VEGFC: variants seen among roughly 807,000 people sequenced by gnomAD.
VEGFC encodes the protein FLT4 ligand DHM.
Under a neutral mutation model 46.1 loss-of-function variants are expected in VEGFC, and 12 were observed. That is an observed-to-expected ratio of 0.26 (90% confidence interval 0.17 to 0.42). The LOEUF is 0.42. VEGFC is among the 10% of genes least tolerant of loss of function. The pLI, the probability that VEGFC is intolerant of heterozygous loss-of-function variation, is 1.00. For missense variants in VEGFC, 488 were observed against 529.4 expected, an observed-to-expected ratio of 0.92 and a Z score of 0.77; for synonymous variants, 232 against 195.5, an observed-to-expected ratio of 1.19 and a Z score of -1.56.
At chr4:176,737,373 C>T (rs1735074864) in intron 1 of VEGFC, among the ~76,000 whole-genome samples, 1 of 143,992 alleles carries the variant, frequency 6.9e-6, no homozygotes, top group Non-Finnish European at 1.5e-5. Context: ...AGCATATTTT[C>T]CAACAAACGT....
intron 4 of VEGFC, among the ~76,000 whole-genome samples, chr4:176,706,857 A>G (rs1734544907): frequency 6.6e-6 from 1 of 152,134 alleles, no homozygotes; most frequent in Admixed American, 6.6e-5. Flanking sequence ...TGTTTCTAAC[A>G]CCTCACAATG....
At chr4:176,750,760 A>G (rs930836249) in intron 1 of VEGFC, among the ~76,000 whole-genome samples, 5 of 151,826 alleles carry the variant, frequency 3.3e-5, no homozygotes, top group African/African-American at 1.2e-4. Flanking sequence ...TGGGTTCCAA[A>G]AGATCACAAA....
chr4:176,702,037 T>G (rs1734442901), intron 4 of VEGFC, among the ~76,000 whole-genome samples: 1 of 152,102 alleles, frequency 6.6e-6, no homozygotes, highest in African/African-American at 2.4e-5. Flanking sequence ...TTATGGATAT[T>G]TAAGCATCTA....
chr4:176,777,886 T>C lies in VEGFC; in HGVS notation c.147+14279A>G, dbSNP rs544497932. Among the ~76,000 whole-genome samples the C allele has an allele frequency of 1.7e-4, 19 of 112,086 alleles. 1 individual carries two copies. The Admixed American group carries it at 2.5e-3, about 15-fold the overall frequency. 73.5% of individuals were successfully genotyped at this position (112,086 alleles called of 152,430 possible). On this transcript the variant is annotated intron_variant, in intron 1 of 6. Coordinates refer to ENST00000618562, the MANE Select transcript of VEGFC (RefSeq NM_005429.5). ...GTGAGCCAAGATTGTGCCACTGCAC[T>C]CCAGCCTGGGCGACAGAGCAAGACT... is the stretch of plus-strand genomic sequence containing the variant.
intron 4 of VEGFC, among the ~76,000 whole-genome samples, chr4:176,699,754 T>C (rs1051221167): frequency 2.6e-5 from 4 of 152,236 alleles, no homozygotes; most frequent in Non-Finnish European, 5.9e-5. Context: ...AAGTGGCCTT[T>C]ATATTCAACG....
At chr4:176,712,222 C>T (rs1418027944) in intron 3 of VEGFC, among the ~76,000 whole-genome samples, 1 of 151,234 alleles carries the variant, frequency 6.6e-6, no homozygotes, top group East Asian at 1.9e-4. Flanking sequence ...ATGTTTAAAA[C>T]AAAAAAAACT....
At chr4:176,767,279 G>A (rs1219706773) in intron 1 of VEGFC, among the ~76,000 whole-genome samples, 1 of 152,058 alleles carries the variant, frequency 6.6e-6, no homozygotes, top group Non-Finnish European at 1.5e-5. Flanking sequence ...ACCACAATGG[G>A]ATGCTATTAC....
intron 1 of VEGFC, among the ~76,000 whole-genome samples, chr4:176,746,238 T>C (rs918550766): frequency 1.3e-5 from 2 of 152,194 alleles, no homozygotes; most frequent in South Asian, 4.1e-4. Context: ...TGCTTATATA[T>C]ATGATTGGTC....
intron 3 of VEGFC, among the ~76,000 whole-genome samples, chr4:176,725,826 T>C (rs1213277126): frequency 1.3e-5 from 2 of 152,216 alleles, no homozygotes; most frequent in Middle Eastern, 3.5e-3. Flanking sequence ...GAGGTTTGGC[T>C]TGAAGATAAA....
intron 1 of VEGFC, among the ~76,000 whole-genome samples, chr4:176,772,981 T>A (rs10024513): frequency 3.3e-4 from 50 of 152,210 alleles, no homozygotes; most frequent in African/African-American, 1.2e-3. Context: ...TCCTTCTTTG[T>A]GAAAAGAATT....
At chr4:176,752,317 A>G (rs1355000136) in intron 1 of VEGFC, among the ~76,000 whole-genome samples, 2 of 152,088 alleles carry the variant, frequency 1.3e-5, no homozygotes, top group African/African-American at 4.8e-5. Context: ...AAAGGCCTCA[A>G]GAGTCACTCT....
intron 3 of VEGFC, among the ~76,000 whole-genome samples, chr4:176,718,437 G>T (rs1734730220): frequency 6.6e-6 from 1 of 151,916 alleles, no homozygotes; most frequent in Non-Finnish European, 1.5e-5. Flanking sequence ...ATTTTTTGTT[G>T]TAAAATTTTA....
intron 1 of VEGFC, among the ~76,000 whole-genome samples, chr4:176,768,915 C>G (rs533324189): frequency 6.6e-6 from 1 of 152,016 alleles, no homozygotes; most frequent in Non-Finnish European, 1.5e-5. Flanking sequence ...AACCACCCCC[C>G]ACCCCCCGTG....
chr4:176,742,959 T>C (rs376864039), intron 1 of VEGFC, among the ~76,000 whole-genome samples: 6 of 151,990 alleles, frequency 3.9e-5, no homozygotes, highest in African/African-American at 1.4e-4. Flanking sequence ...ATTACGGAAA[T>C]ATTACAATGA....
chr4:176,722,466 C>A (rs1414647207), intron 3 of VEGFC, among the ~76,000 whole-genome samples: 1 of 150,776 alleles, frequency 6.6e-6, no homozygotes, highest in Non-Finnish European at 1.5e-5. Context: ...TTACCCCTGG[C>A]CCCTTGTAAT....
At chr4:176,687,085 C>T in intron 6 of VEGFC, 102 bp downstream of exon 6, 1 of 1,244,384 alleles carries the variant, frequency 8.0e-7, no homozygotes, top group Non-Finnish European at 1.1e-6. Context: ...ATGTATTGGC[C>T]TCATTCTAAC....
chr4:176,719,246 A>C (rs1402373511), intron 3 of VEGFC, among the ~76,000 whole-genome samples: 3 of 152,198 alleles, frequency 2.0e-5, no homozygotes, highest in Admixed American at 1.3e-4. Context: ...ACATCATGCC[A>C]ATTGGTGGCT....
chr4:176,778,263 G>C (rs1190175703), intron 1 of VEGFC, among the ~76,000 whole-genome samples: 1 of 152,124 alleles, frequency 6.6e-6, no homozygotes. Flanking sequence ...CCTCACAATA[G>C]ACATACTTGC....
At chr4:176,711,127 T>C (rs1278089290) in intron 4 of VEGFC, among the ~76,000 whole-genome samples, 1 of 152,176 alleles carries the variant, frequency 6.6e-6, no homozygotes, top group African/African-American at 2.4e-5. Flanking sequence ...TGTTTTGGCC[T>C]AAAATCTTAT....
Sources: allele counts gnomAD v4.1 joint callset (sites outside exome capture counted in the v4.1 genomes callset), GRCh38; gene constraint gnomAD v4.1.1; transcripts MANE v1.5; gene names NCBI Gene and HGNC (gene_info 2026-07-23, HGNC 2026-07-21).